The following TET1 variants were observed in gnomAD, a reference collection of about 807,000 sequenced individuals.
TET1 encodes tet methylcytosine dioxygenase 1.
TET1 carries 13 observed loss-of-function variants against 148.7 expected under a neutral mutation model. The observed-to-expected ratio is 0.09, with a 90% CI of 0.06 to 0.14. The LOEUF (loss-of-function observed/expected upper bound fraction) is 0.14, where lower values mean the gene tolerates loss of function less well. TET1 is among the 10% of genes least tolerant of loss of function. TET1 has a pLI of 1.00. For synonymous variants in TET1, 907 were observed against 937.2 expected, an observed-to-expected ratio of 0.97 and a Z score of 0.59; for missense variants, 2,182 against 2,553.8, an observed-to-expected ratio of 0.85 and a Z score of 3.14.
At chr10:68,651,114 C>T (rs1261226680) in intron 4 of TET1, among the ~76,000 whole-genome samples, 2 of 152,082 alleles carry the variant, frequency 1.3e-5, no homozygotes. Flanking sequence ...GTTTTGCTCT[C>T]TTTTTGATAT....
chr10:68,596,287 G>C lies in TET1; in HGVS notation c.1915-4694G>C, dbSNP rs139651174. On this transcript the variant is annotated intron_variant, in intron 2 of 11. Transcript: ENST00000373644. ...TGAAAATCAAGAGGATTTGTAGAGA[G>C]AGCTGTATAGATGGTTAGAAGTGGG... 5.9e-3 allele frequency among the ~76,000 whole-genome samples: 898 copies of C among 151,848 alleles called. 25 individuals carry two copies. Among genetic ancestry groups the C allele is most frequent in the Admixed American group, 0.048 (734 of 15,176 alleles).
chr10:68,688,465 C>T (rs1177400104), intron 11 of TET1, among the ~76,000 whole-genome samples: 19 of 131,726 alleles, frequency 1.4e-4, no homozygotes, highest in South Asian at 4.9e-4. Flanking sequence ...GACAGAGTCT[C>T]GCTCTGTCTC....
intron 6 of TET1, among the ~76,000 whole-genome samples, chr10:68,666,562 C>T (rs1186569432): frequency 2.0e-5 from 3 of 152,072 alleles, no homozygotes; most frequent in African/African-American, 4.8e-5. Context: ...AGTTTTCTAC[C>T]GGGCCCTCTC....
intron 2 of TET1, among the ~76,000 whole-genome samples, chr10:68,585,165 A>G (rs1015885155): frequency 5.9e-5 from 9 of 151,900 alleles, no homozygotes; most frequent in Admixed American, 5.9e-4. Context: ...CCACCACACC[A>G]GGCTAATTTT....
At chr10:68,676,262 ATATATATTTTTTTT>A (rs1451322837) in intron 8 of TET1, among the ~76,000 whole-genome samples, 6 of 15,478 alleles carry the variant, frequency 3.9e-4, no homozygotes, top group African/African-American at 1.3e-3. Flanking sequence ...ATATATATAT[ATATATATTTTTTTT>A]TTTTTTTTTT....
Position 68,665,694 on chromosome 10 carries a change from C to CTA in TET1, c.4462-1338_4462-1337dup, listed in dbSNP as rs148730412. Among the ~76,000 whole-genome samples the CTA allele has an allele frequency of 8.1e-3, 1,226 of 150,712 alleles. 17 individuals carry two copies. Among genetic ancestry groups the CTA allele is most frequent in the African/African-American group, 0.028 (1,166 of 41,154 alleles). On this transcript the variant is annotated intron_variant, in intron 6 of 11. Coordinates refer to ENST00000373644, the MANE Select transcript of TET1 (RefSeq NM_030625.3). ...AATATTAACCAAAATAATTTTGGTA[C>CTA]TATATATATATATAATTTTGCATTT...
intron 1 of TET1, among the ~76,000 whole-genome samples, chr10:68,568,427 T>C (rs2053630880): frequency 6.6e-6 from 1 of 151,938 alleles, no homozygotes; most frequent in African/African-American, 2.4e-5. Context: ...TTCACCATGT[T>C]GGCCAGGCTG....
At chr10:68,588,548 G>T (rs535046656) in intron 2 of TET1, among the ~76,000 whole-genome samples, 1 of 152,262 alleles carries the variant, frequency 6.6e-6, no homozygotes, top group South Asian at 2.1e-4. Context: ...AAAAGATGGA[G>T]AGTAGTGAGA....
At chr10:68,623,726 A>G (rs1032122466) in intron 3 of TET1, among the ~76,000 whole-genome samples, 1 of 152,218 alleles carries the variant, frequency 6.6e-6, no homozygotes, top group African/African-American at 2.4e-5. Context: ...TTCAGTGTAC[A>G]TCGAAACAGA....
intron 8 of TET1, chr10:68,674,594 A>T: frequency 1.9e-6 from 1 of 527,898 alleles, no homozygotes; most frequent in Middle Eastern, 5.4e-4. Flanking sequence ...TGTTCAGGGG[A>T]ATGATTGCCT....
intron 1 of TET1, among the ~76,000 whole-genome samples, chr10:68,569,166 C>CTTTTTTTTTTTTTTTT (rs34385747): frequency 9.3e-4 from 65 of 69,778 alleles, no homozygotes; most frequent in Non-Finnish European, 1.3e-3. Context: ...AGGAGAGTTT[C>CTTTTTTTTTTTTTTTT]TTTTTTTTTT....
intron 8 of TET1, among the ~76,000 whole-genome samples, chr10:68,676,268 A>ATATTT (rs1564506365): frequency 2.8e-5 from 1 of 36,008 alleles, no homozygotes; most frequent in African/African-American, 1.3e-4. Context: ...ATATATATAT[A>ATATTT]TTTTTTTTTT....
intron 1 of TET1, 127 bp downstream of exon 1, chr10:68,560,869 TCTCCCGCTGC>T (rs1250421186): frequency 6.6e-6 from 1 of 152,138 alleles, no homozygotes; most frequent in African/African-American, 2.4e-5. Flanking sequence ...CGTCCTTGGC[TCTCCCGCTGC>T]CTCAGGGGTG....
At chr10:68,575,736 AATAG>A (rs1271023401) in intron 2 of TET1, among the ~76,000 whole-genome samples, 3 of 122,398 alleles carry the variant, frequency 2.5e-5, no homozygotes, top group Non-Finnish European at 5.4e-5. Context: ...TAAATAAATA[AATAG>A]GCCGGGCGCG....
intron 4 of TET1, among the ~76,000 whole-genome samples, chr10:68,648,395 A>T (rs1037444289): frequency 6.6e-6 from 1 of 152,226 alleles, no homozygotes; most frequent in African/African-American, 2.4e-5. Flanking sequence ...AAATAGGGAA[A>T]TTCAATAGAT....
chr10:68,595,961 TACACACACACACAC>T (rs781144879), intron 2 of TET1, among the ~76,000 whole-genome samples: 25 of 37,238 alleles, frequency 6.7e-4, no homozygotes, highest in East Asian at 3.6e-3. Context: ...TATATATATA[TACACACACACACAC>T]ACATATATAC....
intron 1 of TET1, among the ~76,000 whole-genome samples, chr10:68,567,600 AT>A (rs967863960): frequency 3.3e-4 from 49 of 149,978 alleles, no homozygotes; most frequent in African/African-American, 6.4e-4. Context: ...GGCCAGGTTT[AT>A]TTTTTTTTAA....
At chr10:68,667,398 G>A (rs2055208894) in intron 7 of TET1, 142 bp downstream of exon 7, 3 of 761,278 alleles carry the variant, frequency 3.9e-6, no homozygotes, top group Non-Finnish European at 6.3e-6. Context: ...GAACATTTCT[G>A]TAAAGAGAGA....
At chr10:68,634,673 G>A (rs541077258) in intron 3 of TET1, among the ~76,000 whole-genome samples, 105 of 152,332 alleles carry the variant, frequency 6.9e-4, no homozygotes, top group African/African-American at 2.4e-3. Flanking sequence ...AGATGCAAAT[G>A]AGAGAATTCC....
Sources: gnomAD v4.1 joint callset for allele counts (sites outside exome capture counted in the v4.1 genomes callset) on GRCh38, gnomAD v4.1.1 for gene constraint, MANE v1.5 for transcripts, NCBI Gene and HGNC (gene_info 2026-07-23, HGNC 2026-07-21) for gene names.